The following CYTH3 variants were observed in gnomAD, a reference collection of about 807,000 sequenced individuals.
CYTH3 encodes the protein cytohesin 3, also known as cytohesin-3.
CYTH3 carries 23 observed loss-of-function variants against 55.1 expected under a neutral mutation model. That is an observed-to-expected ratio of 0.42 (90% CI 0.30 to 0.59). CYTH3 has a LOEUF of 0.59. Among genes scored for constraint, CYTH3 ranks in the 20% least tolerant of loss-of-function variants. The probability of loss-of-function intolerance (pLI) is 0.20; values close to 1 mark genes in which losing one functional copy is unlikely to be tolerated. For synonymous variants in CYTH3, 249 were observed against 194.9 expected (o/e 1.28, Z -2.31); for missense variants, 413 against 524.8 (o/e 0.79, Z 2.08).
At chr7:6,272,410 G>A (rs1376561504) in intron 1 of CYTH3, 64 bp downstream of exon 1, 26 of 1,216,612 alleles carry the variant, frequency 2.1e-5, no homozygotes, top group Non-Finnish European at 2.7e-5. Context: ...CCGCGCCCTC[G>A]ACCCCCAGCC....
intron 1 of CYTH3, among the ~76,000 whole-genome samples, chr7:6,220,061 AT>A (rs112472470): frequency 0.027 from 4,028 of 148,606 alleles, 72 homozygotes; most frequent in Middle Eastern, 0.066. Flanking sequence ...TAATTTTTGT[AT>A]TTTTTTTTTG....
chr7:6,233,713 T>C (rs987283440), intron 1 of CYTH3, among the ~76,000 whole-genome samples: 1 of 151,840 alleles, frequency 6.6e-6, no homozygotes, highest in African/African-American at 2.4e-5. Context: ...TCCCAGCGTC[T>C]ACCCTGTTTC....
At chr7:6,208,609 T>A (rs1276243356) in intron 1 of CYTH3, among the ~76,000 whole-genome samples, 1 of 152,186 alleles carries the variant, frequency 6.6e-6, no homozygotes, top group Non-Finnish European at 1.5e-5. Context: ...AATGGCCCAA[T>A]CATAGTTCAC....
chr7:6,228,457 A>C (rs1294264884), intron 1 of CYTH3, among the ~76,000 whole-genome samples: 2 of 152,210 alleles, frequency 1.3e-5, no homozygotes, highest in Non-Finnish European at 2.9e-5. Flanking sequence ...TCTTTGTGAG[A>C]AAAGAATCAA....
intron 1 of CYTH3, among the ~76,000 whole-genome samples, chr7:6,241,998 C>T (rs867007055): frequency 1.3e-5 from 2 of 152,146 alleles, no homozygotes; most frequent in Admixed American, 6.5e-5. Flanking sequence ...ACAGAATAGT[C>T]TCATTCATGC....
chr7:6,241,490 G>T (rs1779672122), intron 1 of CYTH3, among the ~76,000 whole-genome samples: 1 of 152,238 alleles, frequency 6.6e-6, no homozygotes, highest in South Asian at 2.1e-4. Flanking sequence ...CAGTGAGTGT[G>T]GAGGGAAGTC....
Position 6,165,413 on chromosome 7 carries a change from G to T in CYTH3, c.987C>A (p.Leu329=). The T allele has an allele frequency of 6.2e-7, 1 of 1,613,734 alleles. No homozygotes were observed. ...EDPRKPNCFE[L]YNPSHKGQVI... ...CCTGCCCTTTGTGGCTGGGATTGTAGAGCTCAAAACAGTTCTGGTGGAGAA... is the reference window on the plus strand; with the variant it reads ...CCTGCCCTTTGTGGCTGGGATTGTATAGCTCAAAACAGTTCTGGTGGAGAA... The change falls in exon 12 of 13, where the codon CTC becomes CTA. Residue 329 remains leucine (L), a synonymous_variant. Coordinates refer to ENST00000350796, the MANE Select transcript of CYTH3 (RefSeq NM_004227.4).
intron 1 of CYTH3, among the ~76,000 whole-genome samples, chr7:6,259,772 T>TATATTA (rs1491219669): frequency 3.3e-5 from 1 of 30,502 alleles, no homozygotes; most frequent in Non-Finnish European, 4.6e-5. Context: ...TATATATATA[T>TATATTA]TATATATATA....
At chr7:6,233,040 T>C (rs1300807903) in intron 1 of CYTH3, among the ~76,000 whole-genome samples, 3 of 152,184 alleles carry the variant, frequency 2.0e-5, no homozygotes, top group Non-Finnish European at 4.4e-5. Context: ...CCTCCTGGTA[T>C]CACAGGATTC....
chr7:6,272,548 G>C lies in CYTH3; in HGVS notation c.-41C>G. Reference sequence around the variant, plus strand: ...GCAGCCGGCGAGCCGGGGGCCGGCAGCAGAGGGGCCGCGGGCTGGGGACGC... The same window carrying C: ...GCAGCCGGCGAGCCGGGGGCCGGCACCAGAGGGGCCGCGGGCTGGGGACGC... On this transcript the variant is annotated 5_prime_UTR_variant, in exon 1 of 13. Coordinates refer to ENST00000350796, the MANE Select transcript of CYTH3 (RefSeq NM_004227.4). 7.8e-7 allele frequency: 1 copy of C among 1,281,684 alleles called. No individual in the cohort carries two copies. The highest frequency in any genetic ancestry group is 1.0e-6 in the Non-Finnish European group (1 of 1,002,794). The allele number at this position is 1,281,684 out of a possible 1,614,324, so 79.4% of individuals were successfully genotyped here.
At chr7:6,226,657 C>T (rs1779259781) in intron 1 of CYTH3, among the ~76,000 whole-genome samples, 1 of 152,186 alleles carries the variant, frequency 6.6e-6, no homozygotes, top group Admixed American at 6.5e-5. Flanking sequence ...GTATTCCCAA[C>T]TCTGACTCTC....
chr7:6,174,171 T>C (rs1036367138), intron 5 of CYTH3, among the ~76,000 whole-genome samples: 2 of 152,098 alleles, frequency 1.3e-5, no homozygotes, highest in African/African-American at 4.8e-5. Flanking sequence ...TGGAATACAA[T>C]GGCGTGATCT....
intron 1 of CYTH3, among the ~76,000 whole-genome samples, chr7:6,201,765 T>C (rs1005799463): frequency 9.2e-5 from 14 of 152,224 alleles, no homozygotes; most frequent in African/African-American, 2.9e-4. Flanking sequence ...GCGGAGCGGA[T>C]AGATGATTAA....
chr7:6,228,380 G>T (rs976997205), intron 1 of CYTH3, among the ~76,000 whole-genome samples: 1 of 152,130 alleles, frequency 6.6e-6, no homozygotes, highest in Non-Finnish European at 1.5e-5. Flanking sequence ...TCTGGCCAGG[G>T]CCCTGTTCAA....
intron 1 of CYTH3, among the ~76,000 whole-genome samples, chr7:6,228,876 G>C (rs1779315906): frequency 1.3e-5 from 2 of 152,098 alleles, no homozygotes; most frequent in African/African-American, 4.8e-5. Context: ...AATTTTGTTA[G>C]ACATTTTTAT....
At chr7:6,198,053 T>G (rs1222872346) in intron 1 of CYTH3, among the ~76,000 whole-genome samples, 1 of 138,738 alleles carries the variant, frequency 7.2e-6, no homozygotes, top group Non-Finnish European at 1.5e-5. Context: ...ATGACTGTGC[T>G]ACTGCACTCC....
intron 1 of CYTH3, among the ~76,000 whole-genome samples, chr7:6,216,769 A>G (rs1784436158): frequency 6.6e-6 from 1 of 151,780 alleles, no homozygotes; most frequent in Admixed American, 6.6e-5. Flanking sequence ...GTATATACAC[A>G]CATACACATA....
intron 1 of CYTH3, among the ~76,000 whole-genome samples, chr7:6,201,453 A>G (rs1208294473): frequency 6.6e-6 from 1 of 152,218 alleles, no homozygotes; most frequent in African/African-American, 2.4e-5. Flanking sequence ...TTCCTTACCC[A>G]GCCTTCTTTG....
chr7:6,266,564 ACTGT>A (rs1328676658), intron 1 of CYTH3, among the ~76,000 whole-genome samples: 1 of 152,162 alleles, frequency 6.6e-6, no homozygotes. Flanking sequence ...CTCCCGCTTC[ACTGT>A]CTGTTCAAGC....
Sources: gnomAD v4.1 joint callset for allele counts (sites outside exome capture counted in the v4.1 genomes callset) on GRCh38, gnomAD v4.1.1 for gene constraint, MANE v1.5 for transcripts, NCBI Gene and HGNC (gene_info 2026-07-23, HGNC 2026-07-21) for gene names.